PAK2: variants seen among roughly 807,000 people sequenced by gnomAD.
PAK2 encodes the protein serine/threonine-protein kinase PAK 2.
A neutral mutation model predicts 65.9 loss-of-function variants in PAK2; 21 were observed. That is an observed-to-expected ratio of 0.32 (90% CI 0.23 to 0.46). The LOEUF (loss-of-function observed/expected upper bound fraction) is 0.46. Ranked by LOEUF, PAK2 falls within the 20% of genes least tolerant of loss-of-function variation. The pLI, the probability that PAK2 is intolerant of heterozygous loss-of-function variation, is 1.00. For synonymous variants in PAK2, 204 were observed against 219.7 expected, an observed-to-expected ratio of 0.93 and a Z score of 0.63; for missense variants, 324 against 642.6, an observed-to-expected ratio of 0.50 and a Z score of 5.36.
chr3:196,776,055 T>C (rs970908240), intron 1 of PAK2, among the ~76,000 whole-genome samples: 1 of 152,220 alleles, frequency 6.6e-6, no homozygotes, highest in Non-Finnish European at 1.5e-5. Context: ...AAGCAGCAGT[T>C]CTCAAAGTGT....
At chr3:196,749,019 TTG>T (rs1033507687) in intron 1 of PAK2, among the ~76,000 whole-genome samples, 33 of 152,322 alleles carry the variant, frequency 2.2e-4, no homozygotes, top group African/African-American at 7.9e-4. Context: ...TTTTGTGTTT[TTG>T]TGACTTATTT....
chr3:196,828,477 C>T lies in PAK2; in HGVS notation c.*72C>T, dbSNP rs773009579. ...GCCTTTTAGTATATGAAAATTATTA[C>T]TCTTTTTGGGGTTTAAAGAAATGGT... On this transcript the variant is annotated 3_prime_UTR_variant, in exon 15 of 15. Transcript: ENST00000327134. 27 of 910,632 alleles carry T rather than the reference C, an allele frequency of 3.0e-5. No homozygotes were observed. The highest frequency in any genetic ancestry group is 4.3e-5 in the Non-Finnish European group (24 of 555,402). 56.4% of individuals were successfully genotyped at this position (910,632 alleles called of 1,614,324 possible).
chr3:196,750,474 T>G (rs1223487161), intron 1 of PAK2, among the ~76,000 whole-genome samples: 1 of 152,188 alleles, frequency 6.6e-6, no homozygotes, highest in Non-Finnish European at 1.5e-5. Flanking sequence ...AATTCTACAC[T>G]GCTCAAGATC....
chr3:196,751,994 C>T (rs541031929), intron 1 of PAK2, among the ~76,000 whole-genome samples: 4 of 152,000 alleles, frequency 2.6e-5, no homozygotes, highest in South Asian at 2.1e-4. Context: ...CTGCCTGCCT[C>T]GGCCTCCCAA....
intron 1 of PAK2, among the ~76,000 whole-genome samples, chr3:196,759,439 CAG>C (rs1209612022): frequency 7.0e-6 from 1 of 141,952 alleles, no homozygotes; most frequent in Non-Finnish European, 1.5e-5. Flanking sequence ...TTTAAAAAAA[CAG>C]ATATTCATAT....
intron 1 of PAK2, among the ~76,000 whole-genome samples, chr3:196,745,134 G>A (rs932618036): frequency 1.6e-5 from 1 of 60,750 alleles, no homozygotes; most frequent in African/African-American, 6.2e-5. Flanking sequence ...TTTTTTTTTT[G>A]TGACAGAGTC....
intron 12 of PAK2, among the ~76,000 whole-genome samples, chr3:196,819,655 G>A (rs889680683): frequency 3.3e-5 from 5 of 152,060 alleles, no homozygotes; most frequent in African/African-American, 9.7e-5. Flanking sequence ...AATGGAATGG[G>A]TTTAACAGTA....
rs1445714554 is a variant in PAK2 at position 196,812,204 on chromosome 3, G to C, written c.774-15G>C. ...TTATCAACCTTAAATCTGGTTGTGT[G>C]TTTTCTCCCTCTAGGGCTTCTGGTA... On this transcript the variant is annotated splice_polypyrimidine_tract_variant and intron_variant, in intron 8 of 14. Transcript: ENST00000327134. 1 of 1,508,700 alleles carries C rather than the reference G, an allele frequency of 6.6e-7. No individual in the cohort carries two copies. The highest frequency in any genetic ancestry group is 9.2e-7 in the Non-Finnish European group (1 of 1,084,354). The allele number at this position is 1,508,700 out of a possible 1,614,324, so 93.5% of individuals were successfully genotyped here. A position where few individuals can be genotyped will look rare whatever the true frequency, so the allele number is the denominator to read the frequency against.
At chr3:196,789,482 C>CTTTTTTT (rs60083205) in intron 2 of PAK2, among the ~76,000 whole-genome samples, 32,379 of 150,172 alleles carry the variant, frequency 0.22, 3,809 homozygotes, top group African/African-American at 0.28. Context: ...TTTCTTTTTT[C>CTTTTTTT]TTTTTTGTTT....
chr3:196,782,870 G>A (rs767038103), intron 2 of PAK2, 37 bp downstream of exon 2: 1 of 1,404,502 alleles, frequency 7.1e-7, no homozygotes, highest in South Asian at 1.3e-5. Context: ...TCTCAGCATT[G>A]GTTTATTATT....
intron 1 of PAK2, 51 bp downstream of exon 1, chr3:196,740,208 C>T (rs1713140293): frequency 6.6e-6 from 1 of 152,222 alleles, no homozygotes; most frequent in Non-Finnish European, 1.5e-5. Context: ...GTCTCTTCCT[C>T]CTCCTTCCTT....
chr3:196,775,603 G>C (rs566879911), intron 1 of PAK2, among the ~76,000 whole-genome samples: 1 of 152,024 alleles, frequency 6.6e-6, no homozygotes, highest in Non-Finnish European at 1.5e-5. Context: ...GGATGGTCTC[G>C]ATCTCTTGAC....
chr3:196,789,568 T>G (rs1715001397), intron 2 of PAK2, among the ~76,000 whole-genome samples: 1 of 152,016 alleles, frequency 6.6e-6, no homozygotes, highest in Non-Finnish European at 1.5e-5. Context: ...GTACAAGCAA[T>G]TCCCCTGCCT....
At chr3:196,797,480 G>T (rs56094615) in intron 2 of PAK2, among the ~76,000 whole-genome samples, 16,852 of 150,804 alleles carry the variant, frequency 0.11, 997 homozygotes, top group South Asian at 0.15. Flanking sequence ...TAGGCTGGGC[G>T]CAGTGGCTCA....
chr3:196,794,798 C>A (rs1460070719), intron 2 of PAK2, among the ~76,000 whole-genome samples: 1 of 152,118 alleles, frequency 6.6e-6, no homozygotes, highest in Non-Finnish European at 1.5e-5. Flanking sequence ...CCTGAGCCAC[C>A]CTTCCTGTAC....
Position 196,820,645 on chromosome 3 carries a change from T to C in PAK2, c.1350+78T>C, listed in dbSNP as rs1711613678. On this transcript the variant is annotated intron_variant, in intron 13 of 14. Transcript: ENST00000327134. This position sits in a 1 kb window ranked among gnomAD's most constrained non-coding sequence, Gnocchi z 4.6. The stretch of plus-strand genomic sequence containing the variant: ...TTTAGAACTTGCACGTGCCTGGCAC[T>C]GTCCAAGAATTTAAAGTAGAAGGTT... The C allele has an allele frequency of 5.6e-6, 4 of 717,710 alleles. No homozygotes were observed. Among genetic ancestry groups the C allele is most frequent in the Non-Finnish European group, 9.0e-6 (4 of 443,856 alleles). The allele number at this position is 717,710 out of a possible 1,614,324, so 44.5% of individuals were successfully genotyped here.
chr3:196,790,246 T>C (rs1407379886), intron 2 of PAK2, among the ~76,000 whole-genome samples: 5 of 152,226 alleles, frequency 3.3e-5, no homozygotes, highest in Non-Finnish European at 7.3e-5. Flanking sequence ...GGTAGTGCCC[T>C]AGAGAATGTG....
chr3:196,812,523 C>T (rs149863817), intron 9 of PAK2, among the ~76,000 whole-genome samples: 2 of 152,258 alleles, frequency 1.3e-5, no homozygotes, highest in African/African-American at 4.8e-5. Context: ...ATTGGACTGA[C>T]TGTGGGTGTA....
intron 1 of PAK2, among the ~76,000 whole-genome samples, chr3:196,759,524 T>TTTTTTTTTTTTTTTTTTTTTTTG (rs1560092899): frequency 7.4e-6 from 1 of 134,832 alleles, no homozygotes; most frequent in Non-Finnish European, 1.6e-5. Flanking sequence ...TTTTTTTTTT[T>TTTTTTTTTTTTTTTTTTTTTTTG]TTTTTTTTTT....
Sources: allele counts gnomAD v4.1 joint callset (sites outside exome capture counted in the v4.1 genomes callset), GRCh38; gene constraint gnomAD v4.1.1; non-coding constraint Gnocchi (gnomAD v3.1); transcripts MANE v1.5; gene names NCBI Gene and HGNC (gene_info 2026-07-23, HGNC 2026-07-21).